The following KIAA1217 variants were observed in gnomAD, a reference collection of about 807,000 sequenced individuals.
The protein encoded by KIAA1217 is KIAA1217, also known as sickle tail protein homolog.
Under a neutral mutation model 163.9 loss-of-function variants are expected in KIAA1217, and 88 were observed. The ratio of observed to expected loss-of-function variants is 0.54; its 90% CI spans 0.45 to 0.64. The LOEUF (loss-of-function observed/expected upper bound fraction) is 0.64. KIAA1217 is among the 30% of genes least tolerant of loss of function. KIAA1217 has a pLI of 0.00. For missense variants in KIAA1217, 2,372 were observed against 2,475.0 expected (o/e 0.96, Z 0.88); for synonymous variants, 903 against 923.1 (o/e 0.98, Z 0.39).
chr10:24,040,659 G>T (rs1848592529), intron 2 of KIAA1217, among the ~76,000 whole-genome samples: 1 of 152,142 alleles, frequency 6.6e-6, no homozygotes, highest in Non-Finnish European at 1.5e-5. Flanking sequence ...ATAATATTAA[G>T]GGTTTACTCC....
At chr10:23,994,718 C>A (rs187396934) in intron 1 of KIAA1217, among the ~76,000 whole-genome samples, 12 of 152,316 alleles carry the variant, frequency 7.9e-5, no homozygotes, top group Admixed American at 7.8e-4. Flanking sequence ...CAAATCCGAA[C>A]CATACAACTT....
intron 1 of KIAA1217, among the ~76,000 whole-genome samples, chr10:24,215,893 T>C (rs2068752653): frequency 2.0e-5 from 3 of 152,034 alleles, no homozygotes; most frequent in South Asian, 2.1e-4. Flanking sequence ...AGGCAGGAAA[T>C]TGAGACAAAA....
At position 24,456,648 on chromosome 10, in the gene KIAA1217, A is replaced by G. The variant is rs139546632; in HGVS notation, c.847-16580A>G. Among the ~76,000 whole-genome samples, 16 of 151,378 alleles carry G rather than the reference A, an allele frequency of 1.1e-4. No individual in the cohort carries two copies. In the East Asian group the frequency reaches 3.1e-3, roughly 30 times the overall value. On this transcript the variant is annotated intron_variant, in intron 5 of 20. Transcript: ENST00000376454. ...TCCAGTGCTCGATCCACCACACCCC[A>G]CTGCCTTCCTTGAGATGATGGTGTG... is the stretch of plus-strand genomic sequence containing the variant.
chr10:24,499,444 A>G (rs2067231312), intron 8 of KIAA1217, among the ~76,000 whole-genome samples: 1 of 152,204 alleles, frequency 6.6e-6, no homozygotes, highest in Admixed American at 6.5e-5. Flanking sequence ...GCTTAGAAAC[A>G]TAACGTGGCT....
chr10:24,485,323 G>A (rs1026612092), intron 6 of KIAA1217, among the ~76,000 whole-genome samples: 7 of 152,068 alleles, frequency 4.6e-5, no homozygotes, highest in Non-Finnish European at 7.4e-5. Flanking sequence ...AGCCTTTTCC[G>A]TGGCCTGCCA....
chr10:23,901,147 T>C (rs1841938377), intron 1 of KIAA1217, among the ~76,000 whole-genome samples: 1 of 152,084 alleles, frequency 6.6e-6, no homozygotes, highest in Admixed American at 6.6e-5. Context: ...TTTCCTTAAG[T>C]GAATATTTGC....
chr10:23,935,808 C>T (rs1402603799), intron 1 of KIAA1217, among the ~76,000 whole-genome samples: 2 of 152,112 alleles, frequency 1.3e-5, no homozygotes, highest in East Asian at 3.8e-4. Context: ...TCTTTTGGTG[C>T]TATGAGTTTC....
At chr10:24,292,315 C>G (rs1279394661) in intron 2 of KIAA1217, among the ~76,000 whole-genome samples, 1 of 152,174 alleles carries the variant, frequency 6.6e-6, no homozygotes, top group Non-Finnish European at 1.5e-5. Context: ...CAATTTGGAC[C>G]AATAACTTGG....
intron 2 of KIAA1217, among the ~76,000 whole-genome samples, chr10:24,018,206 A>G (rs928543404): frequency 6.6e-6 from 1 of 152,134 alleles, no homozygotes; most frequent in African/African-American, 2.4e-5. Context: ...GTGAGAACCC[A>G]TTAGCAAAAG....
At chr10:24,465,519 C>T (rs1347839974) in intron 5 of KIAA1217, among the ~76,000 whole-genome samples, 2 of 152,178 alleles carry the variant, frequency 1.3e-5, no homozygotes, top group Admixed American at 6.5e-5. Context: ...TTGGGTGTGG[C>T]GTGAAGCCAG....
chr10:24,336,752 T>A (rs1218762975), intron 2 of KIAA1217, among the ~76,000 whole-genome samples: 1 of 152,218 alleles, frequency 6.6e-6, no homozygotes, highest in Non-Finnish European at 1.5e-5. Context: ...AATATGGTTT[T>A]TTAAAAAGTT....
At chr10:24,122,172 A>C (rs1194484410) in intron 2 of KIAA1217, among the ~76,000 whole-genome samples, 1 of 148,474 alleles carries the variant, frequency 6.7e-6, no homozygotes, top group Non-Finnish European at 1.5e-5. Flanking sequence ...TGGAGTCCTT[A>C]GTGTCTCTTT....
At chr10:24,317,973 T>C (rs761778234) in intron 2 of KIAA1217, among the ~76,000 whole-genome samples, 7 of 151,904 alleles carry the variant, frequency 4.6e-5, no homozygotes, top group Non-Finnish European at 7.4e-5. Context: ...TGACTGGGTA[T>C]TGCTGTGAAG....
intron 9 of KIAA1217, among the ~76,000 whole-genome samples, chr10:24,511,024 G>A (rs1421825926): frequency 1.3e-5 from 2 of 151,926 alleles, no homozygotes; most frequent in African/African-American, 4.8e-5. Flanking sequence ...CCAGGTGGAG[G>A]GAAGAGCATT....
At chr10:24,287,702 A>G (rs1590626851) in intron 2 of KIAA1217, among the ~76,000 whole-genome samples, 1 of 152,350 alleles carries the variant, frequency 6.6e-6, no homozygotes, top group East Asian at 1.9e-4. Context: ...ACGTTTATAA[A>G]GAATATTTGC....
chr10:23,790,275 ATG>A (rs1835739901), intron 1 of KIAA1217, among the ~76,000 whole-genome samples: 1 of 111,578 alleles, frequency 9.0e-6, no homozygotes, highest in Non-Finnish European at 1.8e-5. Flanking sequence ...ATATGCACAT[ATG>A]CATATGCACA....
intron 1 of KIAA1217, among the ~76,000 whole-genome samples, chr10:23,840,605 C>A (rs1020239171): frequency 1.3e-5 from 2 of 152,092 alleles, no homozygotes; most frequent in African/African-American, 4.8e-5. Context: ...AATTAGTGAT[C>A]CTTTTACATG....
At chr10:24,226,641 C>G (rs536985613) in intron 2 of KIAA1217, among the ~76,000 whole-genome samples, 214 of 145,244 alleles carry the variant, frequency 1.5e-3, no homozygotes, top group African/African-American at 4.9e-3. Flanking sequence ...GACTCCATCT[C>G]AAAAAAAAAA....
chr10:24,488,191 T>C (rs930498059), intron 6 of KIAA1217, among the ~76,000 whole-genome samples: 3 of 152,162 alleles, frequency 2.0e-5, no homozygotes, highest in Non-Finnish European at 4.4e-5. Flanking sequence ...GGTCAGAGGA[T>C]GGCTGTAAAG....
Sources: allele counts gnomAD v4.1 joint callset (sites outside exome capture counted in the v4.1 genomes callset), GRCh38; gene constraint gnomAD v4.1.1; transcripts MANE v1.5; gene names NCBI Gene and HGNC (gene_info 2026-07-23, HGNC 2026-07-21).